Variants in RALGPS1 observed in about 807,000 individuals in gnomAD.
The protein encoded by RALGPS1 is Ral GEF with PH domain and SH3 binding motif 1.
Under a neutral mutation model 78.8 loss-of-function variants are expected in RALGPS1, and 19 were observed. The ratio of observed to expected loss-of-function variants is 0.24; its 90% CI spans 0.17 to 0.35. RALGPS1 has a LOEUF of 0.35. RALGPS1 is among the 10% of genes least tolerant of loss of function. The pLI, the probability that RALGPS1 is intolerant of heterozygous loss-of-function variation, is 1.00. For synonymous variants in RALGPS1, 228 were observed against 256.3 expected, an observed-to-expected ratio of 0.89 and a Z score of 1.06; for missense variants, 454 against 688.3, an observed-to-expected ratio of 0.66 and a Z score of 3.81.
At chr9:126,962,152 G>A in intron 1 of RALGPS1, 73 bp from the exon 2 acceptor site, 1 of 768,846 alleles carries the variant, frequency 1.3e-6, no homozygotes, top group East Asian at 2.7e-5. Context: ...CTCAAGTCTG[G>A]TACAACTTTT....
At chr9:126,932,532 C>T (rs939003955) in intron 1 of RALGPS1, among the ~76,000 whole-genome samples, 5 of 152,100 alleles carry the variant, frequency 3.3e-5, no homozygotes, top group East Asian at 1.9e-4. Context: ...GGATAATACA[C>T]GTGGTACACT....
chr9:126,928,279 A>T (rs1246845503), intron 1 of RALGPS1, among the ~76,000 whole-genome samples: 1 of 152,156 alleles, frequency 6.6e-6, no homozygotes, highest in East Asian at 1.9e-4. Context: ...ACAGCTGAGG[A>T]GTAGTGAGAA....
At chr9:127,143,567 C>G (rs2057916143) in intron 8 of RALGPS1, among the ~76,000 whole-genome samples, 1 of 152,102 alleles carries the variant, frequency 6.6e-6, no homozygotes, top group Non-Finnish European at 1.5e-5. Flanking sequence ...CTAGACATTC[C>G]TCCCTGTTTA....
intron 8 of RALGPS1, among the ~76,000 whole-genome samples, chr9:127,152,691 TCTGTCC>T (rs1327230662): frequency 6.6e-6 from 1 of 152,222 alleles, no homozygotes; most frequent in Non-Finnish European, 1.5e-5. Flanking sequence ...ACTAAGGCTG[TCTGTCC>T]ATAAGTCTTA....
At chr9:126,936,075 G>A (rs542242107) in intron 1 of RALGPS1, among the ~76,000 whole-genome samples, 5 of 152,314 alleles carry the variant, frequency 3.3e-5, no homozygotes, top group East Asian at 1.9e-4. Flanking sequence ...TAGGAAGACC[G>A]CAGTCTGCTA....
intron 18 of RALGPS1, chr9:127,217,136 A>C (rs1588622328): frequency 7.6e-7 from 1 of 1,316,846 alleles, no homozygotes; most frequent in Non-Finnish European, 9.7e-7. Flanking sequence ...AGGCTGATCC[A>C]GCAGAGCACT....
At chr9:127,069,474 G>C in intron 8 of RALGPS1, 118 bp downstream of exon 8, 11 of 1,186,120 alleles carry the variant, frequency 9.3e-6, no homozygotes, top group South Asian at 3.0e-5. Context: ...AGATAAAGAG[G>C]CAATTGGTTG....
chr9:127,156,652 T>C (rs995032184), intron 8 of RALGPS1, among the ~76,000 whole-genome samples: 1 of 152,168 alleles, frequency 6.6e-6, no homozygotes, highest in Non-Finnish European at 1.5e-5. Flanking sequence ...GTCTTATAAA[T>C]TGCAAATATT....
intron 8 of RALGPS1, among the ~76,000 whole-genome samples, chr9:127,121,895 G>A (rs1243251681): frequency 1.3e-5 from 2 of 152,174 alleles, no homozygotes; most frequent in Non-Finnish European, 2.9e-5. Context: ...TGGGGGCATA[G>A]GAATCCAAAG....
At chr9:127,184,035 A>G in intron 11 of RALGPS1, 1 of 1,548,556 alleles carries the variant, frequency 6.5e-7, no homozygotes, top group Non-Finnish European at 8.7e-7. Context: ...CTAAGAAATG[A>G]TCAAGGTCAA....
chr9:127,190,898 T>C (rs2060991808), intron 11 of RALGPS1, among the ~76,000 whole-genome samples: 1 of 152,190 alleles, frequency 6.6e-6, no homozygotes. Context: ...ATGCAATACA[T>C]TGTCAGGCTA....
chr9:127,110,285 C>T (rs149745594), intron 8 of RALGPS1, among the ~76,000 whole-genome samples: 1,535 of 152,250 alleles, frequency 0.01, 11 homozygotes, highest in Middle Eastern at 0.02. Context: ...TTAATATTTT[C>T]CCTCTCACAC....
chr9:127,026,013 A>G (rs1349277514), intron 4 of RALGPS1, among the ~76,000 whole-genome samples: 23 of 152,270 alleles, frequency 1.5e-4, no homozygotes, highest in East Asian at 1.9e-4. Context: ...ACATTGGTGT[A>G]TTAGGGTTCT....
intron 13 of RALGPS1, among the ~76,000 whole-genome samples, chr9:127,197,016 G>A (rs1253610730): frequency 6.6e-6 from 1 of 152,218 alleles, no homozygotes; most frequent in African/African-American, 2.4e-5. Flanking sequence ...GGGCAAAGCA[G>A]GAGAGGCAGC....
intron 8 of RALGPS1, chr9:127,087,861 A>T (rs749130592): frequency 6.6e-6 from 1 of 152,510 alleles, no homozygotes; most frequent in Non-Finnish European, 1.5e-5. Context: ...TTCTGAGATA[A>T]TTCTCCTGGC....
At chr9:127,028,399 A>G (rs2046139005) in intron 4 of RALGPS1, among the ~76,000 whole-genome samples, 1 of 152,280 alleles carries the variant, frequency 6.6e-6, no homozygotes, top group African/African-American at 2.4e-5. Flanking sequence ...ATTGGAGGTC[A>G]GAGCAGTCAT....
chr9:127,080,844 T>C (rs1418907247), intron 8 of RALGPS1, among the ~76,000 whole-genome samples: 2 of 152,226 alleles, frequency 1.3e-5, no homozygotes, highest in Admixed American at 1.3e-4. Flanking sequence ...TATTGTGGAT[T>C]TCAGATTTTC....
intron 5 of RALGPS1, among the ~76,000 whole-genome samples, chr9:127,042,006 TG>T (rs752253818): frequency 6.6e-6 from 1 of 152,242 alleles, no homozygotes; most frequent in South Asian, 2.1e-4. Flanking sequence ...TTCAAACTCT[TG>T]GTTTCTAAGA....
chr9:126,940,492 T>C (rs1331018321), intron 1 of RALGPS1, among the ~76,000 whole-genome samples: 1 of 146,564 alleles, frequency 6.8e-6, no homozygotes, highest in Non-Finnish European at 1.5e-5. Flanking sequence ...TAGGCTGGAG[T>C]GCAGTGGCGC....
Sources: gnomAD v4.1 joint callset for allele counts (sites outside exome capture counted in the v4.1 genomes callset) on GRCh38, gnomAD v4.1.1 for gene constraint, MANE v1.5 for transcripts, NCBI Gene and HGNC (gene_info 2026-07-23, HGNC 2026-07-21) for gene names.